MVB12B: variants seen among roughly 807,000 people sequenced by gnomAD.
The protein encoded by MVB12B is multivesicular body subunit 12B.
A neutral mutation model predicts 41.6 loss-of-function variants in MVB12B; 16 were observed. That is an observed-to-expected ratio of 0.38 (90% CI 0.26 to 0.58). The LOEUF is 0.58. Ranked by LOEUF, MVB12B falls within the 20% of genes least tolerant of loss-of-function variation. MVB12B has a pLI of 0.62. For missense variants in MVB12B, 274 were observed against 380.2 expected (o/e 0.72, Z 2.32); for synonymous variants, 133 against 139.7 (o/e 0.95, Z 0.34).
chr9:126,388,687 G>A (rs1249846350), intron 4 of MVB12B, among the ~76,000 whole-genome samples: 1 of 152,162 alleles, frequency 6.6e-6, no homozygotes, highest in Non-Finnish European at 1.5e-5. Context: ...ATCTTCACCA[G>A]CAATTTGTTA....
rs183098159 is a variant in MVB12B, at chr9:126,473,480, G to A, written c.758-7889G>A. On this transcript the variant is annotated intron_variant, in intron 7 of 9. Coordinates refer to ENST00000361171, the MANE Select transcript of MVB12B (RefSeq NM_033446.3). The surrounding 1 kb of genome is among the most constrained non-coding windows in gnomAD (Gnocchi z 4.0). ...TAATTGACTCATGGTTCTGCAGGCT[G>A]TACAGGAAGCATGGCAGCATCTGCT... is the stretch of plus-strand genomic sequence containing the variant. Among the ~76,000 whole-genome samples, 125 of 152,338 alleles carry A rather than the reference G, an allele frequency of 8.2e-4. 1 individual carries two copies. The highest frequency in any genetic ancestry group is 2.9e-3 in the African/African-American group (121 of 41,576).
chr9:126,378,052 C>G (rs1419884757), intron 2 of MVB12B, among the ~76,000 whole-genome samples: 1 of 152,314 alleles, frequency 6.6e-6, no homozygotes, highest in East Asian at 1.9e-4. Context: ...AGCTATTGGG[C>G]CTCAAATTCA....
At chr9:126,463,818 A>G (rs1833140257) in intron 7 of MVB12B, among the ~76,000 whole-genome samples, 1 of 151,894 alleles carries the variant, frequency 6.6e-6, no homozygotes, top group African/African-American at 2.4e-5. Flanking sequence ...ATTTTATACC[A>G]TTTTTTTTAA....
rs552154405 is a variant in MVB12B, at chr9:126,469,924, G to A, written c.758-11445G>A. Among the ~76,000 whole-genome samples the A allele has an allele frequency of 1.5e-3, 229 of 152,246 alleles. 3 individuals are homozygous for A. The highest frequency in any genetic ancestry group is 5.3e-3 in the African/African-American group (219 of 41,540). On this transcript the variant is annotated intron_variant, in intron 7 of 9. Coordinates refer to ENST00000361171, the MANE Select transcript of MVB12B (RefSeq NM_033446.3). Reference sequence around the variant, plus strand: ...TAAATATTTATAACGTTAAAAAAATGTTTCTTTAATGTCTCTGAGCCTCTC... The same window carrying A: ...TAAATATTTATAACGTTAAAAAAATATTTCTTTAATGTCTCTGAGCCTCTC...
intron 2 of MVB12B, among the ~76,000 whole-genome samples, chr9:126,368,800 A>G (rs990145115): frequency 7.2e-5 from 11 of 152,218 alleles, no homozygotes; most frequent in Non-Finnish European, 1.0e-4. Flanking sequence ...GTACCTTTCA[A>G]CCACACCAGT....
intron 6 of MVB12B, chr9:126,397,072 C>A (rs1320990036): frequency 1.0e-6 from 1 of 985,422 alleles, no homozygotes; most frequent in Non-Finnish European, 1.2e-6. Flanking sequence ...TCCTCCATCA[C>A]CTGTGCTGAG....
At chr9:126,479,606 CT>C (rs551310043) in intron 7 of MVB12B, among the ~76,000 whole-genome samples, 150 of 152,290 alleles carry the variant, frequency 9.8e-4, no homozygotes, top group African/African-American at 3.1e-3. Flanking sequence ...CTGTTCGGGA[CT>C]TTTGTCCCAT....
intron 7 of MVB12B, among the ~76,000 whole-genome samples, chr9:126,479,903 T>C (rs1833491928): frequency 6.6e-6 from 1 of 152,250 alleles, no homozygotes; most frequent in Non-Finnish European, 1.5e-5. Flanking sequence ...TTCTTGCTGA[T>C]TGGGAGGATC....
chr9:126,462,367 A>C (rs1833108040), intron 7 of MVB12B, among the ~76,000 whole-genome samples: 1 of 152,220 alleles, frequency 6.6e-6, no homozygotes, highest in South Asian at 2.1e-4. Context: ...CCGTGCCCGC[A>C]TGAGGTTCAG....
intron 7 of MVB12B, among the ~76,000 whole-genome samples, chr9:126,460,902 A>T (rs1833074507): frequency 1.3e-5 from 2 of 152,216 alleles, no homozygotes; most frequent in Admixed American, 1.3e-4. Flanking sequence ...CTTGAGGATT[A>T]AATCAGTCAA....
intron 2 of MVB12B, among the ~76,000 whole-genome samples, chr9:126,343,427 C>T (rs1182447673): frequency 6.6e-6 from 1 of 152,148 alleles, no homozygotes; most frequent in Non-Finnish European, 1.5e-5. Flanking sequence ...GGTCAGTTTT[C>T]GAAGAATTGT....
intron 2 of MVB12B, among the ~76,000 whole-genome samples, chr9:126,369,060 C>T (rs964697989): frequency 2.0e-5 from 3 of 152,338 alleles, no homozygotes; most frequent in East Asian, 1.9e-4. Flanking sequence ...TGCTGCTCAG[C>T]CTGTAGTTCT....
At chr9:126,373,138 G>A (rs990044633) in intron 2 of MVB12B, among the ~76,000 whole-genome samples, 2 of 151,924 alleles carry the variant, frequency 1.3e-5, no homozygotes, top group East Asian at 3.8e-4. Flanking sequence ...CATTTCTTTT[G>A]CTAAAAAAAA....
At chr9:126,363,937 C>G (rs1830094102) in intron 2 of MVB12B, among the ~76,000 whole-genome samples, 1 of 152,186 alleles carries the variant, frequency 6.6e-6, no homozygotes, top group South Asian at 2.1e-4. Flanking sequence ...ACAGTTACCA[C>G]TCTTTAATTA....
intron 2 of MVB12B, among the ~76,000 whole-genome samples, chr9:126,348,713 CTTTAA>C (rs1829665968): frequency 6.6e-6 from 1 of 152,064 alleles, no homozygotes; most frequent in Admixed American, 6.6e-5. Flanking sequence ...GAGGCGCTTG[CTTTAA>C]TTTTTCTTTC....
chr9:126,429,213 C>G (rs1351734666), intron 7 of MVB12B, among the ~76,000 whole-genome samples: 1 of 152,140 alleles, frequency 6.6e-6, no homozygotes, highest in Non-Finnish European at 1.5e-5. Context: ...TATAAGAACC[C>G]TTGTCTATCC....
intron 6 of MVB12B, among the ~76,000 whole-genome samples, chr9:126,415,862 A>G (rs1187731143): frequency 6.6e-6 from 1 of 152,190 alleles, no homozygotes; most frequent in African/African-American, 2.4e-5. Context: ...GGCAGGTGTT[A>G]TAAGAGTGTG....
At chr9:126,457,906 G>C (rs570361643) in intron 7 of MVB12B, among the ~76,000 whole-genome samples, 8 of 152,288 alleles carry the variant, frequency 5.3e-5, no homozygotes, top group African/African-American at 1.9e-4. Flanking sequence ...ACCAAAACCA[G>C]ATAATAAAAG....
rs1330774218 is a variant in MVB12B, at chr9:126,391,686, A to G, written c.410-380A>G. 6.6e-6 allele frequency among the ~76,000 whole-genome samples: 1 copy of G among 152,182 alleles called. No homozygotes were observed. The highest frequency in any genetic ancestry group is 1.5e-5 in the Non-Finnish European group (1 of 68,030). On this transcript the variant is annotated intron_variant, in intron 4 of 9. Transcript: ENST00000361171. This position sits in a 1 kb window ranked among gnomAD's most constrained non-coding sequence, Gnocchi z 4.4. ...TCCACTGTTCTCTCTGCTTTGGGGT[A>G]TGTTTGAAGATTTCTGTAATAAAAA...
Sources: allele counts gnomAD v4.1 joint callset (sites outside exome capture counted in the v4.1 genomes callset), GRCh38; gene constraint gnomAD v4.1.1; non-coding constraint Gnocchi (gnomAD v3.1); transcripts MANE v1.5; gene names NCBI Gene and HGNC (gene_info 2026-07-23, HGNC 2026-07-21).